Variants in E2F1 observed in about 807,000 individuals in gnomAD.
E2F1 encodes transcription factor E2F1.
E2F1 carries 7 observed loss-of-function variants against 36.9 expected under a neutral mutation model. The observed-to-expected ratio is 0.19, with a 90% CI of 0.11 to 0.36. The LOEUF (loss-of-function observed/expected upper bound fraction) is 0.36, where lower values mean the gene tolerates loss of function less well. Among genes scored for constraint, E2F1 ranks in the 10% least tolerant of loss-of-function variants. The probability of loss-of-function intolerance (pLI) is 1.00; values close to 1 mark genes in which losing one functional copy is unlikely to be tolerated. For synonymous variants in E2F1, 261 were observed against 263.1 expected (o/e 0.99, Z 0.08); for missense variants, 406 against 573.6 (o/e 0.71, Z 2.99).
rs1477053008 is a variant in E2F1 at position 33,675,598 on chromosome 20, G to A, written c.*1134C>T. 6.4e-6 allele frequency: 1 copy of A among 156,178 alleles called. No individual in the cohort carries two copies. Among genetic ancestry groups the A allele is most frequent in the African/African-American group, 2.4e-5 (1 of 41,544 alleles). The allele number at this position is 156,178 out of a possible 1,614,324, so 9.7% of individuals were successfully genotyped here. On this transcript the variant is annotated 3_prime_UTR_variant, in exon 7 of 7. Coordinates refer to ENST00000343380, the MANE Select transcript of E2F1 (RefSeq NM_005225.3). ...TCAAATCGGGCACGGACAGGGAGAA[G>A]GGAAGTGGAGAATGGGCATTTCCCC...
At chr20:33,680,139 G>A (rs937312334) in intron 2 of E2F1, among the ~76,000 whole-genome samples, 165 bp from the exon 3 acceptor site, 5 of 152,238 alleles carry the variant, frequency 3.3e-5, no homozygotes, top group South Asian at 2.1e-4. Context: ...TCTGGCTGGG[G>A]AACTCCTCAC....
chr20:33,681,585 G>A (rs984089418), intron 1 of E2F1, among the ~76,000 whole-genome samples: 2 of 152,118 alleles, frequency 1.3e-5, no homozygotes, highest in African/African-American at 4.8e-5. Flanking sequence ...CAAGCTCTAA[G>A]CACTCTGGCT....
chr20:33,686,333 C>T lies in E2F1; in HGVS notation c.-69G>A. The stretch of plus-strand genomic sequence containing the variant: ...GGCGCGGGCCCATGGCGGCAGGCCT[C>T]GGCGAGGGCTCGATCCCGCTCCGCC... On this transcript the variant is annotated 5_prime_UTR_variant, in exon 1 of 7. Transcript: ENST00000343380. 1.0e-6 allele frequency: 1 copy of T among 990,306 alleles called. No homozygotes were observed. Among genetic ancestry groups the T allele is most frequent in the Non-Finnish European group, 1.2e-6 (1 of 833,216 alleles). 61.3% of individuals were successfully genotyped at this position (990,306 alleles called of 1,614,324 possible).
chr20:33,676,568 C>T lies in E2F1; in HGVS notation c.*164G>A, dbSNP rs552982460. Reference sequence around the variant, plus strand: ...CTTCCCTTCCTGGCTTGCTCAGCCTCCTAGCGGTAGCCAGACCCCAGAGCT... The same window carrying T: ...CTTCCCTTCCTGGCTTGCTCAGCCTTCTAGCGGTAGCCAGACCCCAGAGCT... On this transcript the variant is annotated 3_prime_UTR_variant, in exon 7 of 7. Transcript: ENST00000343380. The T allele has an allele frequency of 3.3e-3, 3,614 of 1,082,858 alleles. 21 individuals carry two copies. The highest frequency in any genetic ancestry group is 3.5e-3 in the Non-Finnish European group (2,776 of 784,182). The allele number at this position is 1,082,858 out of a possible 1,614,324, so 67.1% of individuals were successfully genotyped here.
At position 33,677,184 on chromosome 20, in the gene E2F1, G is replaced by A; in HGVS notation, c.987C>T (p.Thr329=). Residue 329 remains threonine (T), a synonymous_variant, in exon 6 of 7, where the codon ACC becomes ACT. Coordinates refer to ENST00000343380, the MANE Select transcript of E2F1 (RefSeq NM_005225.3). The part of the protein sequence containing the change: ...EEENRATDSA[T]IVSPPPSSPP... ...GAGATGATGGTGGTGGTGACACTAT[G>A]GTGGCAGAGTCAGTGGCCCTGTTCT... 6.2e-7 allele frequency: 1 copy of A among 1,614,160 alleles called. No individual in the cohort carries two copies. Among genetic ancestry groups the A allele is most frequent in the Middle Eastern group, 1.6e-4 (1 of 6,062 alleles).
chr20:33,677,592 T>G (rs552816539), intron 4 of E2F1, 52 bp from the exon 5 acceptor site: 2 of 1,411,026 alleles, frequency 1.4e-6, no homozygotes, highest in Admixed American at 1.7e-5. Flanking sequence ...GGTCACTCAC[T>G]CCAACAGCTC....
chr20:33,685,864 G>C (rs974084108), intron 1 of E2F1, 140 bp downstream of exon 1: 15 of 841,772 alleles, frequency 1.8e-5, no homozygotes, highest in Non-Finnish European at 2.2e-5. Flanking sequence ...GCCCAACCCC[G>C]GCTCTGCACC....
rs1453410928 is a variant in E2F1, at chr20:33,675,929, G to T, written c.*803C>A. Reference sequence around the variant, plus strand: ...TGGGGGGCAGCTGGGGCCCTGAACTGGCCCCCTGGAGAGGGCCCACCCCAC... The same window carrying T: ...TGGGGGGCAGCTGGGGCCCTGAACTTGCCCCCTGGAGAGGGCCCACCCCAC... On this transcript the variant is annotated 3_prime_UTR_variant, in exon 7 of 7. Transcript: ENST00000343380. 6.4e-6 allele frequency: 1 copy of T among 155,242 alleles called. No homozygotes were observed. Among genetic ancestry groups the T allele is most frequent in the Non-Finnish European group, 1.4e-5 (1 of 70,094 alleles). 9.6% of individuals were successfully genotyped at this position (155,242 alleles called of 1,614,324 possible). A position where few individuals can be genotyped will look rare whatever the true frequency, so the allele number is the denominator to read the frequency against.
Position 33,677,268 on chromosome 20 carries a change from C to A in E2F1, c.903G>T (p.Glu301Asp). 2 of 1,614,144 alleles carry A rather than the reference C, an allele frequency of 1.2e-6. No homozygotes were observed. The highest frequency in any genetic ancestry group is 2.2e-5 in the East Asian group (1 of 44,882). ...GPIDVFLCPE[E>D]TVGGISPGKT... The stretch of plus-strand genomic sequence containing the variant: ...TCCCAGGGCTGATCCCACCTACGGT[C>A]TCCTCAGGGCACAGGAAAACATCGA... The change falls in exon 6 of 7, where the codon GAG (glutamate) becomes GAT (aspartate). Residue 301 changes from glutamate (E) to aspartate (D), a missense_variant. Coordinates refer to ENST00000343380, the MANE Select transcript of E2F1 (RefSeq NM_005225.3).
In E2F1 at chr20:33,678,358, G is replaced by A; in HGVS notation, c.573-5C>T. On this transcript the variant is annotated splice_region_variant and splice_polypyrimidine_tract_variant and intron_variant, in intron 3 of 6. Transcript: ENST00000343380. ...CCCACTGTGGTGTGGCTGCCCCTGT[G>A]GGGAGGCACCAGGGAGGGTAGGGTT... 1 of 1,611,740 alleles carries A rather than the reference G, an allele frequency of 6.2e-7. No homozygotes were observed. The highest frequency in any genetic ancestry group is 8.5e-7 in the Non-Finnish European group (1 of 1,179,828).
Position 33,675,755 on chromosome 20 carries a change from A to G in E2F1, c.*977T>C, listed in dbSNP as rs1225804735. 5 of 173,644 alleles carry G rather than the reference A, an allele frequency of 2.9e-5. No homozygotes were observed. The allele number at this position is 173,644 out of a possible 1,614,324, so 10.8% of individuals were successfully genotyped here. A position where few individuals can be genotyped will look rare whatever the true frequency, so the allele number is the denominator to read the frequency against. The stretch of plus-strand genomic sequence containing the variant: ...TGTTAGGAAGCAAATCAAAGTGCAG[A>G]TTGGAGGGTGGGGCAGAGCAGTGGG... On this transcript the variant is annotated 3_prime_UTR_variant, in exon 7 of 7. Transcript: ENST00000343380.
At position 33,677,510 on chromosome 20, in the gene E2F1, A is replaced by G; in HGVS notation, c.756T>C (p.Arg252=). 1 of 1,614,076 alleles carries G rather than the reference A, an allele frequency of 6.2e-7. No individual in the cohort carries two copies. Among genetic ancestry groups the G allele is most frequent in the East Asian group, 2.2e-5 (1 of 44,864 alleles). The change falls in exon 5 of 7, where the codon CGT becomes CGC. Residue 252 remains arginine, a synonymous_variant. Transcript: ENST00000343380. ...TCTGCTCTGCAGGGTCTGCAATGCT[A>G]CGAAGGTCCTGACACGTCACGTAGG... ...RLAYVTCQDL[R]SIADPAEQMV...
chr20:33,676,390 T>C lies in E2F1; in HGVS notation c.*342A>G. 8.7e-6 allele frequency: 2 copies of C among 230,942 alleles called. No homozygotes were observed. The highest frequency in any genetic ancestry group is 1.1e-4 in the East Asian group (1 of 9,418). 14.3% of individuals were successfully genotyped at this position (230,942 alleles called of 1,614,324 possible). ...GCACACATGGACTCATGCACACACA[T>C]GTGGACACACTGGGGCGTGTCTGCA... On this transcript the variant is annotated 3_prime_UTR_variant, in exon 7 of 7. Transcript: ENST00000343380.
Position 33,680,426 on chromosome 20 carries a change from A to C in E2F1, c.262-10T>G, listed in dbSNP as rs780021581. 6.2e-6 allele frequency: 10 copies of C among 1,612,538 alleles called. No individual in the cohort carries two copies. The highest frequency in any genetic ancestry group is 8.5e-6 in the Non-Finnish European group (10 of 1,179,278). The stretch of plus-strand genomic sequence containing the variant: ...CCAGCCTCCGCTTCACCTGTGGCGA[A>C]AACGGGAGGATGCCCAGTAACCAGG... On this transcript the variant is annotated splice_polypyrimidine_tract_variant and intron_variant, in intron 1 of 6. Coordinates refer to ENST00000343380, the MANE Select transcript of E2F1 (RefSeq NM_005225.3).
intron 1 of E2F1, among the ~76,000 whole-genome samples, chr20:33,684,977 A>G (rs2018052191): frequency 6.6e-6 from 1 of 151,958 alleles, no homozygotes; most frequent in Admixed American, 6.5e-5. Context: ...TGGTCTCCAC[A>G]CCCTGCCCTG....
chr20:33,686,100 G>C lies in E2F1; in HGVS notation c.165C>G (p.Ala55=), dbSNP rs2018066506. The change falls in exon 1 of 7, where the codon GCC becomes GCG. Residue 55 remains alanine (A), a synonymous_variant. Transcript: ENST00000343380. ...GCAGGTCAGGGTCGCAGGGGCCGGC[G>C]GCGGGCGCCGCGGGGCCGGTGGGAG... The part of the protein sequence containing the change: ...PPAPTGPAAP[A]AGPCDPDLLL... 2.8e-6 allele frequency: 3 copies of C among 1,083,104 alleles called. No homozygotes were observed. Among genetic ancestry groups the C allele is most frequent in the Non-Finnish European group, 3.4e-6 (3 of 895,152 alleles). 67.1% of individuals were successfully genotyped at this position (1,083,104 alleles called of 1,614,324 possible). A position where few individuals can be genotyped will look rare whatever the true frequency, so the allele number is the denominator to read the frequency against.
intron 1 of E2F1, among the ~76,000 whole-genome samples, chr20:33,683,457 A>AG (rs1212626328): frequency 2.7e-5 from 4 of 150,426 alleles, no homozygotes; most frequent in African/African-American, 1.0e-4. Context: ...TCTCAAAAAA[A>AG]AAAAAAAAAA....
At chr20:33,678,848 G>A (rs1044764474) in intron 3 of E2F1, among the ~76,000 whole-genome samples, 5 of 152,146 alleles carry the variant, frequency 3.3e-5, no homozygotes, top group African/African-American at 7.2e-5. Flanking sequence ...CCTAGCTACA[G>A]GTACGGAGCT....
chr20:33,679,468 TG>T lies in E2F1; in HGVS notation c.572+286del, dbSNP rs912671589. Among the ~76,000 whole-genome samples, 1 of 152,108 alleles carries T rather than the reference TG, an allele frequency of 6.6e-6. No individual in the cohort carries two copies. Among genetic ancestry groups the T allele is most frequent in the Non-Finnish European group, 1.5e-5 (1 of 68,000 alleles). On this transcript the variant is annotated intron_variant, in intron 3 of 6. Coordinates refer to ENST00000343380, the MANE Select transcript of E2F1 (RefSeq NM_005225.3). This position sits in a 1 kb window ranked among gnomAD's most constrained non-coding sequence, Gnocchi z 4.6. ...CTGAGGCAGGAGAAGCACCTGAACC[TG>T]GGAGGTAGAGGTTACAGTGAGCTGA...
Sources: allele counts gnomAD v4.1 joint callset (sites outside exome capture counted in the v4.1 genomes callset), GRCh38; gene constraint gnomAD v4.1.1; non-coding constraint Gnocchi (gnomAD v3.1); transcripts MANE v1.5; gene names NCBI Gene and HGNC (gene_info 2026-07-23, HGNC 2026-07-21).